The following GK5 variants were observed in gnomAD, a reference collection of about 807,000 sequenced individuals.
The protein encoded by GK5 is ATP:glycerol 3-phosphotransferase 5.
A neutral mutation model predicts 77.3 loss-of-function variants in GK5; 39 were observed. The observed-to-expected ratio is 0.50, with a 90% confidence interval of 0.39 to 0.66. The LOEUF is 0.66. Among genes scored for constraint, GK5 ranks in the 30% least tolerant of loss-of-function variants. The probability of loss-of-function intolerance (pLI) is 0.00; values close to 1 mark genes in which losing one functional copy is unlikely to be tolerated. For missense variants in GK5, 487 were observed against 633.8 expected, an observed-to-expected ratio of 0.77 and a Z score of 2.49; for synonymous variants, 211 against 208.0, an observed-to-expected ratio of 1.01 and a Z score of -0.13.
At chr3:142,194,029 C>T (rs1398529282) in intron 5 of GK5, among the ~76,000 whole-genome samples, 1 of 152,186 alleles carries the variant, frequency 6.6e-6, no homozygotes, top group Non-Finnish European at 1.5e-5. Flanking sequence ...GCATGAGCCA[C>T]TGCGTCCAGC....
chr3:142,167,756 G>A lies in GK5; in HGVS notation c.1442-1986C>T, dbSNP rs868485004. 5.3e-5 allele frequency among the ~76,000 whole-genome samples: 8 copies of A among 152,252 alleles called. No individual in the cohort carries two copies. The South Asian group carries it at 1.4e-3, about 28-fold the overall frequency. ...GCTGGGCGCAGAGGCTCACGCCTGTGATCCCAGCACTTTGGGATGCCAAAG... is the reference window on the plus strand; with the variant it reads ...GCTGGGCGCAGAGGCTCACGCCTGTAATCCCAGCACTTTGGGATGCCAAAG... On this transcript the variant is annotated intron_variant, in intron 15 of 15. Transcript: ENST00000392993.
intron 5 of GK5, among the ~76,000 whole-genome samples, chr3:142,190,188 T>G (rs1257441370): frequency 6.6e-6 from 1 of 152,112 alleles, no homozygotes; most frequent in Non-Finnish European, 1.5e-5. Context: ...GAAGACAGGT[T>G]GGAATAGACT....
At chr3:142,208,946 G>A (rs546888334) in intron 3 of GK5, among the ~76,000 whole-genome samples, 13 of 152,252 alleles carry the variant, frequency 8.5e-5, no homozygotes, top group African/African-American at 9.6e-5. Flanking sequence ...TCAGGAAATC[G>A]AGACCATCCT....
At chr3:142,209,403 T>A (rs1026393264) in intron 3 of GK5, among the ~76,000 whole-genome samples, 1 of 152,152 alleles carries the variant, frequency 6.6e-6, no homozygotes, top group African/African-American at 2.4e-5. Flanking sequence ...AATCACAAGA[T>A]GAAAGTGGCA....
At chr3:142,195,970 G>T (rs1407667481) in intron 5 of GK5, among the ~76,000 whole-genome samples, 2 of 152,042 alleles carry the variant, frequency 1.3e-5, no homozygotes, top group Non-Finnish European at 2.9e-5. Flanking sequence ...GGCTTTTCTA[G>T]GTGAGAATTT....
chr3:142,167,390 T>TA (rs34321582), intron 15 of GK5, among the ~76,000 whole-genome samples: 16 of 151,432 alleles, frequency 1.1e-4, no homozygotes, highest in East Asian at 1.9e-4. Context: ...AAAAAATTTT[T>TA]AATTAAAAAT....
intron 9 of GK5, among the ~76,000 whole-genome samples, chr3:142,184,067 G>C (rs905112978): frequency 6.6e-6 from 1 of 151,340 alleles, no homozygotes; most frequent in Non-Finnish European, 1.5e-5. Flanking sequence ...GACCATCCTG[G>C]CTAACACGGT....
Position 142,161,557 on chromosome 3 carries a change from T to G in GK5, c.*4065A>C, listed in dbSNP as rs555461821. The G allele has an allele frequency of 6.6e-6, 1 of 152,324 alleles. No homozygotes were observed. The highest frequency in any genetic ancestry group is 2.4e-5 in the African/African-American group (1 of 41,572). 9.4% of individuals were successfully genotyped at this position (152,324 alleles called of 1,614,324 possible). ...CTAAGTTCTGGGGAAGCAGACAGTT[T>G]CTGCTTTCAGGGAGCTTCCAGTCTG... On this transcript the variant is annotated 3_prime_UTR_variant, in exon 16 of 16. Coordinates refer to ENST00000392993, the MANE Select transcript of GK5 (RefSeq NM_001039547.3).
At chr3:142,200,087 C>CTATA (rs746964293) in intron 4 of GK5, among the ~76,000 whole-genome samples, 1 of 149,302 alleles carries the variant, frequency 6.7e-6, no homozygotes, top group Non-Finnish European at 1.5e-5. Context: ...TTCTTTATTT[C>CTATA]TATATATATA....
chr3:142,211,241 C>T (rs1479989920), intron 3 of GK5, among the ~76,000 whole-genome samples: 1 of 152,174 alleles, frequency 6.6e-6, no homozygotes, highest in African/African-American at 2.4e-5. Flanking sequence ...GCCAGGGATG[C>T]TGCTGAACAG....
intron 1 of GK5, among the ~76,000 whole-genome samples, chr3:142,216,775 T>C (rs991251165): frequency 6.6e-6 from 1 of 152,198 alleles, no homozygotes; most frequent in African/African-American, 2.4e-5. Context: ...ATACCAAAAA[T>C]ACTAAGAACA....
intron 1 of GK5, among the ~76,000 whole-genome samples, chr3:142,223,664 C>T (rs1440200001): frequency 2.0e-5 from 3 of 152,124 alleles, no homozygotes; most frequent in South Asian, 2.1e-4. Context: ...CATGGCGAAA[C>T]CCTGTCTCTA....
chr3:142,225,558 G>A lies in GK5; in HGVS notation c.-103C>T, dbSNP rs1050809741. 4 of 1,425,382 alleles carry A rather than the reference G, an allele frequency of 2.8e-6. No homozygotes were observed. The highest frequency in any genetic ancestry group is 3.7e-6 in the Non-Finnish European group (4 of 1,070,322). 88.3% of individuals were successfully genotyped at this position (1,425,382 alleles called of 1,614,324 possible). A position where few individuals can be genotyped will look rare whatever the true frequency, so the allele number is the denominator to read the frequency against. The stretch of plus-strand genomic sequence containing the variant: ...GGCGGCCCAACCCGGGCCCCAACCC[G>A]GCTCAGCCGGAGAGCCTAGAGAGGC... On this transcript the variant is annotated 5_prime_UTR_variant, in exon 1 of 16. Coordinates refer to ENST00000392993, the MANE Select transcript of GK5 (RefSeq NM_001039547.3).
At chr3:142,185,661 T>C in intron 9 of GK5, 2 of 1,253,752 alleles carry the variant, frequency 1.6e-6, no homozygotes, top group Middle Eastern at 2.8e-4. Flanking sequence ...TTTTTTTTAA[T>C]TTAAGTTTTC....
Position 142,183,435 on chromosome 3 carries a change from A to G in GK5, c.817-386T>C, listed in dbSNP as rs2063723259. 3 of 159,242 alleles carry G rather than the reference A, an allele frequency of 1.9e-5. No individual in the cohort carries two copies. In the South Asian group the frequency reaches 5.5e-4, roughly 29 times the overall value. The allele number at this position is 159,242 out of a possible 1,614,324, so 9.9% of individuals were successfully genotyped here. On this transcript the variant is annotated intron_variant, in intron 9 of 15. Transcript: ENST00000392993. Reference sequence around the variant, plus strand: ...CAGCCTCCCAAGTAGCTAGGACTACAAGGCAGCTAGGACTACAGGCGCACA... The same window carrying G: ...CAGCCTCCCAAGTAGCTAGGACTACGAGGCAGCTAGGACTACAGGCGCACA...
chr3:142,208,349 G>C (rs1032465297), intron 3 of GK5, among the ~76,000 whole-genome samples: 1 of 152,026 alleles, frequency 6.6e-6, no homozygotes. Context: ...GTCATTTAAG[G>C]AATCACTGCC....
intron 1 of GK5, among the ~76,000 whole-genome samples, chr3:142,218,136 C>T (rs978698602): frequency 6.0e-5 from 9 of 151,052 alleles, no homozygotes; most frequent in African/African-American, 2.2e-4. Context: ...ACAAATATGA[C>T]TAGCTGATTT....
intron 5 of GK5, among the ~76,000 whole-genome samples, chr3:142,190,846 G>GA (rs1347893545): frequency 3.3e-5 from 5 of 151,286 alleles, no homozygotes; most frequent in Non-Finnish European, 5.9e-5. Context: ...CAATGAAAAA[G>GA]AAAAAAAGTG....
chr3:142,179,215 T>G (rs1356197333), intron 11 of GK5, among the ~76,000 whole-genome samples: 1 of 152,212 alleles, frequency 6.6e-6, no homozygotes, highest in East Asian at 1.9e-4. Context: ...TTAAATTCAC[T>G]AAAGACATTT....
Sources: gnomAD v4.1 joint callset for allele counts (sites outside exome capture counted in the v4.1 genomes callset) on GRCh38, gnomAD v4.1.1 for gene constraint, MANE v1.5 for transcripts, NCBI Gene and HGNC (gene_info 2026-07-23, HGNC 2026-07-21) for gene names.